The following KCNJ10 variants were observed in gnomAD, a reference collection of about 807,000 sequenced individuals.
KCNJ10 encodes potassium inwardly rectifying channel subfamily J member 10, also known as ATP-sensitive inward rectifier potassium channel 10.
In KCNJ10, 9 loss-of-function variants were observed where a neutral mutation model predicts 22.2. That is an observed-to-expected ratio of 0.40 (90% CI 0.24 to 0.71). The LOEUF is 0.71. Ranked by LOEUF, KCNJ10 falls within the 30% of genes least tolerant of loss-of-function variation. KCNJ10 has a pLI of 0.35. For synonymous variants in KCNJ10, 184 were observed against 187.3 expected (o/e 0.98, Z 0.15); for missense variants, 337 against 482.7 (o/e 0.70, Z 2.83).
At chr1:160,052,978 A>T (rs1648938509) in intron 1 of KCNJ10, among the ~76,000 whole-genome samples, 1 of 152,186 alleles carries the variant, frequency 6.6e-6, no homozygotes, top group African/African-American at 2.4e-5. Flanking sequence ...AAACATTTTG[A>T]ATGGCTTGAG....
At position 160,042,308 on chromosome 1, in the gene KCNJ10, A is replaced by C. The variant is rs757159382; in HGVS notation, c.225T>G (p.Phe75Leu). Residue 75 changes from phenylalanine to leucine, a missense_variant, in exon 2 of 2, where the codon TTT (phenylalanine) becomes TTG (leucine). Phe to Leu is a conservative substitution (Grantham distance 22). This residue lies in a region of KCNJ10 where 107 missense variants were observed against 135.2 expected (regional missense o/e 0.79). Coordinates refer to ENST00000644903, the MANE Select transcript of KCNJ10 (RefSeq NM_002241.5). ...CGCCAAAGAGGAACCATGTGCCTGC[A>C]AAGGTCGCAGAGAAGAGCAGAAGCT... is the stretch of plus-strand genomic sequence containing the variant. ...RYKLLLFSAT[F>L]AGTWFLFGVV... The C allele has an allele frequency of 1.2e-6, 2 of 1,613,744 alleles. No individual in the cohort carries two copies. Among genetic ancestry groups the C allele is most frequent in the African/African-American group, 2.7e-5 (2 of 75,052 alleles).
intron 1 of KCNJ10, among the ~76,000 whole-genome samples, chr1:160,043,315 A>ACC (rs75470525): frequency 6.9e-4 from 91 of 131,190 alleles, no homozygotes; most frequent in Admixed American, 1.6e-3. Flanking sequence ...ACACACACAC[A>ACC]ACCTTAATTT....
chr1:160,047,232 C>G (rs1648762851), intron 1 of KCNJ10, among the ~76,000 whole-genome samples: 1 of 152,196 alleles, frequency 6.6e-6, no homozygotes, highest in East Asian at 1.9e-4. Flanking sequence ...CACTGTTGTT[C>G]TTGTGACTCT....
chr1:160,060,532 T>C (rs35972082), intron 1 of KCNJ10, among the ~76,000 whole-genome samples: 1 of 152,116 alleles, frequency 6.6e-6, no homozygotes, highest in Admixed American at 6.5e-5. Context: ...CCATGCAATT[T>C]TGATGGGAGG....
At chr1:160,045,520 C>T (rs1434467054) in intron 1 of KCNJ10, among the ~76,000 whole-genome samples, 1 of 152,100 alleles carries the variant, frequency 6.6e-6, no homozygotes, top group Non-Finnish European at 1.5e-5. Context: ...CAAAGCAGTA[C>T]AATATAAAAA....
At chr1:160,065,053 G>T (rs940254640) in intron 1 of KCNJ10, 2 of 152,106 alleles carry the variant, frequency 1.3e-5, no homozygotes, top group Non-Finnish European at 2.9e-5. Flanking sequence ...AAGGCTCTCT[G>T]GGGCCTACAT....
At position 160,042,410 on chromosome 1, in the gene KCNJ10, C is replaced by G; in HGVS notation, c.123G>C (p.Met41Ile). ...GGAAGCGCTTGTCGGCAATGTGCTC[C>G]ATTCTCACGTTGCTGCGACCATCTT... ...LTKDGRSNVRMEHIADKRFLY... is the reference protein window; with the variant it reads ...LTKDGRSNVRIEHIADKRFLY... Residue 41 changes from methionine to isoleucine, a missense_variant, in exon 2 of 2, where the codon ATG becomes ATC. By Grantham distance (10) the Met-to-Ile change is conservative. Transcript: ENST00000644903. 2 of 1,614,188 alleles carry G rather than the reference C, an allele frequency of 1.2e-6. No individual in the cohort carries two copies. The highest frequency in any genetic ancestry group is 1.7e-6 in the Non-Finnish European group (2 of 1,180,028).
At position 160,040,413 on chromosome 1, in the gene KCNJ10, A is replaced by G. The variant is rs1648574989; in HGVS notation, c.*980T>C. On this transcript the variant is annotated 3_prime_UTR_variant, in exon 2 of 2. Transcript: ENST00000644903. ...GCATTTTCCCTCCCTTCTCCCAAAG[A>G]GTTGGGGTTAAGGAAGAAGGATCTA... 2 of 397,446 alleles carry G rather than the reference A, an allele frequency of 5.0e-6. No individual in the cohort carries two copies. Among genetic ancestry groups the G allele is most frequent in the Non-Finnish European group, 8.9e-6 (2 of 225,452 alleles). 24.6% of individuals were successfully genotyped at this position (397,446 alleles called of 1,614,324 possible).
chr1:160,066,581 C>T (rs1362499184), intron 1 of KCNJ10, among the ~76,000 whole-genome samples: 1 of 152,156 alleles, frequency 6.6e-6, no homozygotes, highest in Non-Finnish European at 1.5e-5. Flanking sequence ...CAGTTATGAG[C>T]CCTATTGTGA....
intron 1 of KCNJ10, among the ~76,000 whole-genome samples, chr1:160,063,006 G>A (rs571772747): frequency 6.6e-6 from 1 of 152,274 alleles, no homozygotes; most frequent in East Asian, 1.9e-4. Flanking sequence ...TAGTGAAGGT[G>A]GAGCTGGAAG....
intron 1 of KCNJ10, among the ~76,000 whole-genome samples, chr1:160,059,943 T>G (rs1028122762): frequency 1.3e-5 from 2 of 152,216 alleles, no homozygotes; most frequent in African/African-American, 4.8e-5. Flanking sequence ...TTCCTATTTG[T>G]ACCCTTAATG....
chr1:160,069,713 G>A (rs1404056949), intron 1 of KCNJ10, among the ~76,000 whole-genome samples: 2 of 152,216 alleles, frequency 1.3e-5, no homozygotes, highest in African/African-American at 4.8e-5. Context: ...ATGTGTGGTT[G>A]TCACTGTATT....
chr1:160,055,314 C>T (rs1301223166), intron 1 of KCNJ10, among the ~76,000 whole-genome samples: 2 of 152,122 alleles, frequency 1.3e-5, no homozygotes, highest in Admixed American at 6.5e-5. Flanking sequence ...GCAGTTAAAG[C>T]AACAGGAAGC....
At chr1:160,060,782 C>T (rs1378598781) in intron 1 of KCNJ10, among the ~76,000 whole-genome samples, 1 of 152,092 alleles carries the variant, frequency 6.6e-6, no homozygotes, top group African/African-American at 2.4e-5. Context: ...GCAGGTGAGC[C>T]GTAGATACAG....
At chr1:160,052,720 C>T (rs1648932766) in intron 1 of KCNJ10, among the ~76,000 whole-genome samples, 1 of 152,224 alleles carries the variant, frequency 6.6e-6, no homozygotes, top group Non-Finnish European at 1.5e-5. Flanking sequence ...CCGATCTCAA[C>T]TCTGCCACTG....
At chr1:160,064,047 A>G (rs1008516695) in intron 1 of KCNJ10, among the ~76,000 whole-genome samples, 3 of 152,230 alleles carry the variant, frequency 2.0e-5, no homozygotes, top group Non-Finnish European at 1.5e-5. Context: ...ACTTAACATG[A>G]TGAACCACTA....
chr1:160,058,309 A>C (rs1193080711), intron 1 of KCNJ10, among the ~76,000 whole-genome samples: 1 of 152,170 alleles, frequency 6.6e-6, no homozygotes, highest in East Asian at 1.9e-4. Context: ...GGCTGTGCTC[A>C]GCCCCACCCT....
chr1:160,062,116 C>A (rs1282297758), intron 1 of KCNJ10, among the ~76,000 whole-genome samples: 1 of 152,060 alleles, frequency 6.6e-6, no homozygotes, highest in Non-Finnish European at 1.5e-5. Flanking sequence ...GGCCTCTCCC[C>A]TCTGTGTGCC....
Position 160,042,293 on chromosome 1 carries a change from G to A in KCNJ10, c.240C>T (p.Phe80=), listed in dbSNP as rs774758209. ...LFSATFAGTW[F]LFGVVWYLVA... The stretch of plus-strand genomic sequence containing the variant: ...CCAGATACCACACCACGCCAAAGAG[G>A]AACCATGTGCCTGCAAAGGTCGCAG... The change falls in exon 2 of 2, where the codon TTC becomes TTT. Residue 80 remains phenylalanine (F), a synonymous_variant. Coordinates refer to ENST00000644903, the MANE Select transcript of KCNJ10 (RefSeq NM_002241.5). The A allele has an allele frequency of 3.6e-5, 58 of 1,613,810 alleles. No homozygotes were observed. The Middle Eastern group carries it at 8.2e-4, about 23-fold the overall frequency.
Sources: gnomAD v4.1 joint callset for allele counts (sites outside exome capture counted in the v4.1 genomes callset) on GRCh38, gnomAD v4.1.1 for gene constraint, gnomAD v4.1.1 regional missense constraint, MANE v1.5 for transcripts, NCBI Gene and HGNC (gene_info 2026-07-23, HGNC 2026-07-21) for gene names.